Variants in CYP7B1 observed in about 807,000 individuals in gnomAD.
CYP7B1 encodes cytochrome P450 family 7 subfamily B member 1, also known as cytochrome P450 7B1.
Under a neutral mutation model 42.7 loss-of-function variants are expected in CYP7B1, and 29 were observed. The observed-to-expected ratio is 0.68, with a 90% CI of 0.51 to 0.93. The LOEUF (loss-of-function observed/expected upper bound fraction) is 0.93, where lower values mean the gene tolerates loss of function less well. CYP7B1 is among the 40% of genes least tolerant of loss of function. The pLI is 0.00. For missense variants in CYP7B1, 655 were observed against 600.5 expected (o/e 1.09, Z -0.95); for synonymous variants, 235 against 218.2 (o/e 1.08, Z -0.68).
chr8:64,688,452 G>A (rs1806689981), intron 1 of CYP7B1, among the ~76,000 whole-genome samples: 3 of 126,730 alleles, frequency 2.4e-5, no homozygotes, highest in African/African-American at 9.0e-5. Context: ...ATTTAATATA[G>A]ACTACATGCC....
At chr8:64,647,826 T>C (rs980211200) in intron 1 of CYP7B1, among the ~76,000 whole-genome samples, 2 of 152,108 alleles carry the variant, frequency 1.3e-5, no homozygotes, top group African/African-American at 4.8e-5. Flanking sequence ...GCTAAGCTCA[T>C]CCAGGAACAC....
intron 1 of CYP7B1, among the ~76,000 whole-genome samples, chr8:64,638,985 T>C (rs1035838584): frequency 1.3e-5 from 2 of 152,062 alleles, no homozygotes; most frequent in African/African-American, 4.8e-5. Context: ...ATAGGAAGCA[T>C]TAAAAACAAG....
chr8:64,624,892 C>A (rs1805585107), intron 1 of CYP7B1, among the ~76,000 whole-genome samples: 1 of 149,982 alleles, frequency 6.7e-6, no homozygotes, highest in Non-Finnish European at 1.5e-5. Flanking sequence ...TATCCCTCAT[C>A]CCATCCCACC....
At chr8:64,756,200 C>A (rs1194598062) in intron 1 of CYP7B1, among the ~76,000 whole-genome samples, 1 of 152,136 alleles carries the variant, frequency 6.6e-6, no homozygotes, top group Non-Finnish European at 1.5e-5. Context: ...GGAATGAACT[C>A]TTTCTTGGTC....
intron 1 of CYP7B1, among the ~76,000 whole-genome samples, chr8:64,714,415 C>G (rs1807124160): frequency 6.6e-6 from 1 of 152,184 alleles, no homozygotes; most frequent in African/African-American, 2.4e-5. Flanking sequence ...TAACCATGGA[C>G]TAAATCAGCA....
intron 1 of CYP7B1, chr8:64,734,265 A>G (rs2129633151): frequency 6.6e-6 from 1 of 152,292 alleles, no homozygotes; most frequent in Admixed American, 6.5e-5. Flanking sequence ...TTACCTCTGG[A>G]TCCTTAGTCC....
chr8:64,605,624 C>T (rs1217120918), intron 4 of CYP7B1, among the ~76,000 whole-genome samples: 1 of 152,156 alleles, frequency 6.6e-6, no homozygotes, highest in Non-Finnish European at 1.5e-5. Context: ...GCATAATTTG[C>T]ATAAATCATT....
At chr8:64,645,983 ACTGGCCAGC>A (rs1431432411) in intron 1 of CYP7B1, among the ~76,000 whole-genome samples, 2 of 152,222 alleles carry the variant, frequency 1.3e-5, no homozygotes, top group Non-Finnish European at 2.9e-5. Flanking sequence ...TGGTGGGAAA[ACTGGCCAGC>A]CATATGTAGA....
intron 1 of CYP7B1, among the ~76,000 whole-genome samples, chr8:64,732,037 G>A (rs990961396): frequency 2.6e-5 from 4 of 152,232 alleles, no homozygotes; most frequent in African/African-American, 9.6e-5. Flanking sequence ...CCTCTGCTAG[G>A]GCAGTGCAGA....
At chr8:64,703,604 A>G (rs1806950299) in intron 1 of CYP7B1, among the ~76,000 whole-genome samples, 3 of 152,022 alleles carry the variant, frequency 2.0e-5, no homozygotes. Context: ...CAAACTACAT[A>G]ATAGAAACAG....
chr8:64,645,879 T>C (rs1163864990), intron 1 of CYP7B1, among the ~76,000 whole-genome samples: 1 of 151,982 alleles, frequency 6.6e-6, no homozygotes, highest in Non-Finnish European at 1.5e-5. Context: ...AACAGAGCCC[T>C]CAGAAATAAC....
At chr8:64,630,505 A>G (rs1805673256) in intron 1 of CYP7B1, among the ~76,000 whole-genome samples, 1 of 152,192 alleles carries the variant, frequency 6.6e-6, no homozygotes, top group African/African-American at 2.4e-5. Flanking sequence ...TGCTATTCAT[A>G]TTTTGCAAGC....
At position 64,723,287 on chromosome 8, in the gene CYP7B1, A is replaced by T. The variant is rs145500908; in HGVS notation, c.122+75179T>A. 5.1e-4 allele frequency among the ~76,000 whole-genome samples: 77 copies of T among 152,352 alleles called. No homozygotes were observed. The East Asian group carries it at 0.015, about 29-fold the overall frequency. ...CCATACACAAGATAAAATCAGTAGC[A>T]GTCAATGTAACACTTCCCCCTCCAA... On this transcript the variant is annotated intron_variant, in intron 1 of 5. Coordinates refer to ENST00000310193, the MANE Select transcript of CYP7B1 (RefSeq NM_004820.5).
chr8:64,775,152 TA>T (rs140515279), intron 1 of CYP7B1, among the ~76,000 whole-genome samples: 7,684 of 150,800 alleles, frequency 0.051, 649 homozygotes, highest in African/African-American at 0.17. Flanking sequence ...ATAAATTCCA[TA>T]AAAAAAAACA....
intron 1 of CYP7B1, among the ~76,000 whole-genome samples, chr8:64,626,203 C>T (rs1805608289): frequency 6.6e-6 from 1 of 152,136 alleles, no homozygotes. Flanking sequence ...GACTTGGAGT[C>T]CCACAGCTGC....
At chr8:64,630,995 T>G (rs1236208441) in intron 1 of CYP7B1, among the ~76,000 whole-genome samples, 1 of 152,202 alleles carries the variant, frequency 6.6e-6, no homozygotes, top group Non-Finnish European at 1.5e-5. Flanking sequence ...CAGGCCCAGA[T>G]AGTCTCATTG....
rs538246537 is a variant in CYP7B1 at position 64,773,962 on chromosome 8, C to T, written c.122+24504G>A. Among the ~76,000 whole-genome samples, 25 of 152,316 alleles carry T rather than the reference C, an allele frequency of 1.6e-4. No individual in the cohort carries two copies. The South Asian group carries it at 3.5e-3, about 21-fold the overall frequency. On this transcript the variant is annotated intron_variant, in intron 1 of 5. Transcript: ENST00000310193. Reference sequence around the variant, plus strand: ...AGGACAGATGCAACATTAAGTCATACGTAAGGGAAGTGGGATTAAGTTTCT... The same window carrying T: ...AGGACAGATGCAACATTAAGTCATATGTAAGGGAAGTGGGATTAAGTTTCT...
chr8:64,663,859 G>C (rs893468253), intron 1 of CYP7B1, among the ~76,000 whole-genome samples: 1 of 152,096 alleles, frequency 6.6e-6, no homozygotes, highest in African/African-American at 2.4e-5. Flanking sequence ...CTTGCCACTC[G>C]GCCTTTTCCC....
chr8:64,717,594 T>A (rs1807175397), intron 1 of CYP7B1, among the ~76,000 whole-genome samples: 1 of 152,178 alleles, frequency 6.6e-6, no homozygotes. Flanking sequence ...GGCTCACACC[T>A]GTAATCCCAG....
Sources: allele counts gnomAD v4.1 joint callset (sites outside exome capture counted in the v4.1 genomes callset), GRCh38; gene constraint gnomAD v4.1.1; transcripts MANE v1.5; gene names NCBI Gene and HGNC (gene_info 2026-07-23, HGNC 2026-07-21).